MYH10: variants seen among roughly 807,000 people sequenced by gnomAD.
The protein encoded by MYH10 is myosin-10.
A neutral mutation model predicts 257.8 loss-of-function variants in MYH10; 55 were observed. The observed-to-expected ratio is 0.21, with a 90% CI of 0.17 to 0.27. The LOEUF (loss-of-function observed/expected upper bound fraction) is 0.27. Ranked by LOEUF, MYH10 falls within the 10% of genes least tolerant of loss-of-function variation. The pLI, the probability that MYH10 is intolerant of heterozygous loss-of-function variation, is 1.00. For synonymous variants in MYH10, 854 were observed against 921.7 expected (o/e 0.93, Z 1.33); for missense variants, 1,631 against 2,500.6 (o/e 0.65, Z 7.42).
rs139247253 is a variant in MYH10, at chr17:8,492,833, C to T, written c.4401G>A (p.Leu1467=). The stretch of plus-strand genomic sequence containing the variant: ...TGGAGGCGACCTGGCGCTGGTGGTC[C>T]AGGTCCACCGTGAGGTCGTCCAGCT... ...QQELDDLTVD[L]DHQRQVASNL... The change falls in exon 33 of 43, where the codon CTG becomes CTA. Residue 1467 remains leucine, a synonymous_variant. Transcript: ENST00000360416. 6.2e-7 allele frequency: 1 copy of T among 1,614,036 alleles called. No individual in the cohort carries two copies. The highest frequency in any genetic ancestry group is 1.3e-5 in the African/African-American group (1 of 75,030).
Position 8,569,854 on chromosome 17 carries a change from T to C in MYH10, c.664-42A>G, listed in dbSNP as rs761979397. 5 of 1,439,554 alleles carry C rather than the reference T, an allele frequency of 3.5e-6. No individual in the cohort carries two copies. Among genetic ancestry groups the C allele is most frequent in the African/African-American group, 2.8e-5 (2 of 70,482 alleles). 89.2% of individuals were successfully genotyped at this position (1,439,554 alleles called of 1,614,324 possible). On this transcript the variant is annotated intron_variant, in intron 6 of 42. Transcript: ENST00000360416. This position sits in a 1 kb window ranked among gnomAD's most constrained non-coding sequence, Gnocchi z 4.1. ...ACACACAAATAAAAGCAGATGTACG[T>C]TAATCTAATGTCTTTACTCAAGTCA...
chr17:8,493,098 G>A (rs571331279), intron 32 of MYH10, 74 bp from the exon 33 acceptor site: 55 of 1,516,270 alleles, frequency 3.6e-5, no homozygotes, highest in Non-Finnish European at 4.8e-5. Context: ...GGTGGCTCAC[G>A]CCTGTAATCC....
At chr17:8,509,666 T>G in intron 25 of MYH10, 146 bp downstream of exon 25, 1 of 686,604 alleles carries the variant, frequency 1.5e-6, no homozygotes, top group Non-Finnish European at 2.2e-6. Context: ...TCTATACAAG[T>G]AGAGACTTAC....
chr17:8,574,839 G>A (rs907868617), intron 6 of MYH10, among the ~76,000 whole-genome samples: 9 of 152,190 alleles, frequency 5.9e-5, no homozygotes, highest in Non-Finnish European at 1.2e-4. Context: ...TGAAGAAGTC[G>A]CAGACAGGGA....
intron 9 of MYH10, among the ~76,000 whole-genome samples, chr17:8,549,914 C>A (rs2082567401): frequency 6.6e-6 from 1 of 151,192 alleles, no homozygotes; most frequent in Admixed American, 6.6e-5. Context: ...GGTCTCCAGC[C>A]CCTAACCGCA....
At chr17:8,584,165 A>C (rs1162642102) in intron 4 of MYH10, among the ~76,000 whole-genome samples, 1 of 152,220 alleles carries the variant, frequency 6.6e-6, no homozygotes, top group Non-Finnish European at 1.5e-5. Flanking sequence ...AACAAGCATT[A>C]AACAGGCGGC....
At chr17:8,624,345 GC>G (rs1167788281) in intron 1 of MYH10, among the ~76,000 whole-genome samples, 12 of 152,258 alleles carry the variant, frequency 7.9e-5, no homozygotes, top group Middle Eastern at 3.4e-3. Context: ...CATCATGATT[GC>G]CTGACAGGAT....
At chr17:8,480,051 T>C in intron 40 of MYH10, 59 bp downstream of exon 40, 1 of 1,570,078 alleles carries the variant, frequency 6.4e-7, no homozygotes, top group Non-Finnish European at 8.7e-7. Flanking sequence ...GCATGCCTGT[T>C]TTGTCTCTGA....
At chr17:8,602,512 C>G (rs1184675826) in intron 3 of MYH10, among the ~76,000 whole-genome samples, 3 of 152,224 alleles carry the variant, frequency 2.0e-5, no homozygotes, top group Admixed American at 2.0e-4. Context: ...ATGCTAATGT[C>G]TGACTAGCCC....
intron 5 of MYH10, 103 bp from the exon 6 acceptor site, chr17:8,576,775 T>C (rs1023059136): frequency 3.3e-5 from 38 of 1,137,050 alleles, no homozygotes; most frequent in Non-Finnish European, 4.6e-5. Context: ...TTGAGAACTG[T>C]GGAAGCTGGG....
intron 14 of MYH10, among the ~76,000 whole-genome samples, chr17:8,538,559 T>A (rs1306063149): frequency 6.6e-6 from 1 of 152,182 alleles, no homozygotes; most frequent in African/African-American, 2.4e-5. Context: ...AGAATAATCC[T>A]CAAATTGAGG....
intron 2 of MYH10, among the ~76,000 whole-genome samples, chr17:8,613,410 G>A (rs1298162559): frequency 6.6e-6 from 1 of 151,950 alleles, no homozygotes; most frequent in South Asian, 2.1e-4. Flanking sequence ...AATATAGAGA[G>A]AATTAAACAA....
At chr17:8,538,361 A>C (rs2082202127) in intron 14 of MYH10, among the ~76,000 whole-genome samples, 1 of 152,114 alleles carries the variant, frequency 6.6e-6, no homozygotes, top group Admixed American at 6.5e-5. Context: ...AACCGCCACG[A>C]CGCCTGGCTA....
At chr17:8,483,828 A>C (rs991524897) in intron 37 of MYH10, among the ~76,000 whole-genome samples, 7 of 152,242 alleles carry the variant, frequency 4.6e-5, no homozygotes, top group Non-Finnish European at 1.0e-4. Context: ...TCTTGTGCTT[A>C]TCAACACTTC....
chr17:8,477,181 G>T lies in MYH10; in HGVS notation c.5707-133C>A, dbSNP rs111345979. ...CACGCGTGTACACGGATGTACACGC[G>T]TGCCTGGGGGCTGGTCGGAGGCTCT... is the stretch of plus-strand genomic sequence containing the variant. On this transcript the variant is annotated intron_variant, in intron 41 of 42. Transcript: ENST00000360416. The surrounding 1 kb of genome is among the most constrained non-coding windows in gnomAD (Gnocchi z 4.2). 4 of 949,314 alleles carry T rather than the reference G, an allele frequency of 4.2e-6. No homozygotes were observed. Among genetic ancestry groups the T allele is most frequent in the Non-Finnish European group, 6.1e-6 (4 of 653,270 alleles). The allele number at this position is 949,314 out of a possible 1,614,324, so 58.8% of individuals were successfully genotyped here.
rs1884334070 is a variant in MYH10 at position 8,506,666 on chromosome 17, A to C, written c.3215-177T>G. On this transcript the variant is annotated intron_variant, in intron 26 of 42. Coordinates refer to ENST00000360416, the MANE Select transcript of MYH10 (RefSeq NM_001256012.3). The surrounding 1 kb of genome is among the most constrained non-coding windows in gnomAD (Gnocchi z 5.0). ...GCTCAGTCATTTCAAACCCACCGAG[A>C]TCTGGAGGGGAGATAAATTAGTGTG... 6.6e-6 allele frequency among the ~76,000 whole-genome samples: 1 copy of C among 152,144 alleles called. No homozygotes were observed. The highest frequency in any genetic ancestry group is 2.4e-5 in the African/African-American group (1 of 41,426).
At chr17:8,572,257 TGAGTGA>T (rs150168727) in intron 6 of MYH10, among the ~76,000 whole-genome samples, 160 of 97,068 alleles carry the variant, frequency 1.6e-3, no homozygotes, top group South Asian at 4.9e-3. Flanking sequence ...TGTGTGTGTG[TGAGTGA>T]GAGAGAGAGA....
chr17:8,502,480 T>TTTTGTGTGTGTG (rs112732919), intron 28 of MYH10, among the ~76,000 whole-genome samples: 4 of 150,142 alleles, frequency 2.7e-5, no homozygotes, highest in Non-Finnish European at 5.9e-5. Context: ...GGGAAAATAG[T>TTTTGTGTGTGTG]TGTGTGTGTG....
At position 8,499,243 on chromosome 17, in the gene MYH10, T is replaced by G. The variant is rs1235018865; in HGVS notation, c.3951+27A>C. ...ATTAGGGACATGCTACAGTGGGACG[T>G]GTGTAGAGCGGAGGTTTCTGGCTTA... On this transcript the variant is annotated intron_variant, in intron 30 of 42. Coordinates refer to ENST00000360416, the MANE Select transcript of MYH10 (RefSeq NM_001256012.3). 6 of 1,603,544 alleles carry G rather than the reference T, an allele frequency of 3.7e-6. No homozygotes were observed. In the South Asian group the frequency reaches 6.6e-5, roughly 18 times the overall value.
Sources: gnomAD v4.1 joint callset for allele counts (sites outside exome capture counted in the v4.1 genomes callset) on GRCh38, gnomAD v4.1.1 for gene constraint, Gnocchi (gnomAD v3.1) non-coding constraint, MANE v1.5 for transcripts, NCBI Gene and HGNC (gene_info 2026-07-23, HGNC 2026-07-21) for gene names.